CGNL1: variants seen among roughly 807,000 people sequenced by gnomAD.
The protein encoded by CGNL1 is cingulin like 1, also known as cingulin-like protein 1.
In CGNL1, 132 loss-of-function variants were observed where a neutral mutation model predicts 141.2. That is an observed-to-expected ratio of 0.93 (90% confidence interval 0.81 to 1.08). CGNL1 has a LOEUF of 1.08. Among genes scored for constraint, CGNL1 ranks in the 50% least tolerant of loss-of-function variants. The pLI is 0.00. For missense variants in CGNL1, 1,870 were observed against 1,588.6 expected, an observed-to-expected ratio of 1.18 and a Z score of -3.01; for synonymous variants, 690 against 622.1, an observed-to-expected ratio of 1.11 and a Z score of -1.63.
At chr15:57,505,163 A>G (rs2064084337) in intron 8 of CGNL1, among the ~76,000 whole-genome samples, 1 of 152,204 alleles carries the variant, frequency 6.6e-6, no homozygotes, top group Non-Finnish European at 1.5e-5. Flanking sequence ...AGGCCTCTGT[A>G]TAGAAGGAAA....
At chr15:57,496,333 TC>T (rs752189485) in intron 8 of CGNL1, among the ~76,000 whole-genome samples, 2 of 152,092 alleles carry the variant, frequency 1.3e-5, no homozygotes, top group Non-Finnish European at 2.9e-5. Flanking sequence ...ACTCTAGGGG[TC>T]CCCAGCCCTC....
chr15:57,392,353 G>C (rs2062553163), intron 1 of CGNL1, among the ~76,000 whole-genome samples: 1 of 152,076 alleles, frequency 6.6e-6, no homozygotes, highest in South Asian at 2.1e-4. Context: ...TGGGGAAGGG[G>C]AAAAGTCCAG....
chr15:57,494,156 C>T (rs1184453190), intron 8 of CGNL1, among the ~76,000 whole-genome samples: 1 of 152,192 alleles, frequency 6.6e-6, no homozygotes, highest in African/African-American at 2.4e-5. Flanking sequence ...TTTTATATGC[C>T]TGTGTTCTTG....
rs113996787 is a variant in CGNL1 at position 57,405,647 on chromosome 15, C to T, written c.-16+29080C>T. ...TTCATTCATAGGGCTCTTTCTGTGC[C>T]TTCTTATGTCCTCCTCCCTCAGCCC... On this transcript the variant is annotated intron_variant, in intron 1 of 18. Coordinates refer to ENST00000281282, the MANE Select transcript of CGNL1 (RefSeq NM_032866.5). 6.3e-3 allele frequency among the ~76,000 whole-genome samples: 957 copies of T among 152,258 alleles called. 4 individuals are homozygous for T. Among genetic ancestry groups the T allele is most frequent in the African/African-American group, 0.022 (924 of 41,552 alleles).
chr15:57,539,027 T>A (rs934329810), intron 14 of CGNL1, among the ~76,000 whole-genome samples: 5 of 152,096 alleles, frequency 3.3e-5, no homozygotes, highest in Admixed American at 6.5e-5. Context: ...CCTCGGAGAG[T>A]TCCCGCCCAG....
Position 57,392,830 on chromosome 15 carries a change from A to AT in CGNL1, c.-16+16272dup, listed in dbSNP as rs1161585642. ...TCTACTAAGTGTAGAATGAACAGTC[A>AT]TTTTTTTTTAAAGGAAAAATAAAGT... On this transcript the variant is annotated intron_variant, in intron 1 of 18. Transcript: ENST00000281282. 6.6e-5 allele frequency among the ~76,000 whole-genome samples: 10 copies of AT among 151,784 alleles called. No individual in the cohort carries two copies. In the South Asian group the frequency reaches 8.3e-4, roughly 13 times the overall value.
chr15:57,543,729 A>T lies in CGNL1; in HGVS notation c.3325A>T (p.Arg1109Ter). The change falls in exon 15 of 19, where the codon AGA becomes TGA. Residue 1109 changes from arginine (R) to a stop codon, truncating the protein, a stop_gained. Coordinates refer to ENST00000281282, the MANE Select transcript of CGNL1 (RefSeq NM_032866.5). LOFTEE classifies it high-confidence loss of function. ...EQLRNELLQE[R>*]AARQDLECDK... ...GTTGAGGAATGAGCTACTTCAGGAG[A>T]GAGCTGCGAGACAAGACTTGGAGTG... is the stretch of plus-strand genomic sequence containing the variant. 2 of 1,614,004 alleles carry T rather than the reference A, an allele frequency of 1.2e-6. No individual in the cohort carries two copies. The highest frequency in any genetic ancestry group is 1.1e-5 in the South Asian group (1 of 91,060).
intron 7 of CGNL1, among the ~76,000 whole-genome samples, chr15:57,456,901 C>G (rs1430790231): frequency 6.6e-6 from 1 of 152,146 alleles, no homozygotes; most frequent in Non-Finnish European, 1.5e-5. Context: ...TTAAAATAGT[C>G]TGGTTATAAA....
At chr15:57,541,685 T>C (rs2032572157) in intron 14 of CGNL1, among the ~76,000 whole-genome samples, 1 of 152,190 alleles carries the variant, frequency 6.6e-6, no homozygotes, top group South Asian at 2.1e-4. Flanking sequence ...TCTAGGCCTA[T>C]TGGAATCCTT....
At position 57,401,474 on chromosome 15, in the gene CGNL1, G is replaced by T. The variant is rs963571881; in HGVS notation, c.-16+24907G>T. ...AAAAAGTTCCCAAGTGATTCTGCTGGTGCCCGAGTTCTAGCATGCCTAAGA... is the reference window on the plus strand; with the variant it reads ...AAAAAGTTCCCAAGTGATTCTGCTGTTGCCCGAGTTCTAGCATGCCTAAGA... On this transcript the variant is annotated intron_variant, in intron 1 of 18. Coordinates refer to ENST00000281282, the MANE Select transcript of CGNL1 (RefSeq NM_032866.5). 4.6e-5 allele frequency among the ~76,000 whole-genome samples: 7 copies of T among 152,112 alleles called. No individual in the cohort carries two copies. In the East Asian group the frequency reaches 1.3e-3, roughly 29 times the overall value.
intron 4 of CGNL1, among the ~76,000 whole-genome samples, chr15:57,446,619 C>A (rs1259433036): frequency 6.8e-6 from 1 of 146,844 alleles, no homozygotes; most frequent in Non-Finnish European, 1.5e-5. Flanking sequence ...TCTTAGTGGT[C>A]ATTTCTGGTA....
intron 1 of CGNL1, among the ~76,000 whole-genome samples, chr15:57,430,883 G>A (rs1166174404): frequency 6.6e-6 from 1 of 152,150 alleles, no homozygotes; most frequent in Non-Finnish European, 1.5e-5. Flanking sequence ...ACCATGGCCG[G>A]CTCATGTTTT....
At chr15:57,472,612 C>G (rs1297550069) in intron 8 of CGNL1, among the ~76,000 whole-genome samples, 3 of 152,134 alleles carry the variant, frequency 2.0e-5, no homozygotes, top group Non-Finnish European at 2.9e-5. Context: ...TCCACAATTT[C>G]ATTCTATTTT....
intron 7 of CGNL1, among the ~76,000 whole-genome samples, chr15:57,458,594 A>G (rs2063407891): frequency 6.6e-6 from 1 of 152,186 alleles, no homozygotes; most frequent in Non-Finnish European, 1.5e-5. Flanking sequence ...TATCATCCAA[A>G]CAATTGAGAA....
chr15:57,489,498 A>C (rs1476935181), intron 8 of CGNL1, among the ~76,000 whole-genome samples: 1 of 152,250 alleles, frequency 6.6e-6, no homozygotes, highest in Non-Finnish European at 1.5e-5. Context: ...GAAAATAGAC[A>C]TGCAGATTTA....
Position 57,442,403 on chromosome 15 carries a change from G to A in CGNL1, c.1728G>A (p.Arg576=), listed in dbSNP as rs529813330. 6.2e-7 allele frequency: 1 copy of A among 1,613,488 alleles called. No individual in the cohort carries two copies. The highest frequency in any genetic ancestry group is 8.5e-7 in the Non-Finnish European group (1 of 1,179,570). Residue 576 remains arginine (R), a synonymous_variant, in exon 4 of 19, where the codon AGG becomes AGA. Transcript: ENST00000281282. ...GSTDNDDATK[R]KVNLVFEKIQ... is the part of the protein sequence containing the mutation. ...CTGATAATGACGATGCTACTAAAAGGAAAGTCAACTTGGTCTTTGAGAAAA... is the reference window on the plus strand; with the variant it reads ...CTGATAATGACGATGCTACTAAAAGAAAAGTCAACTTGGTCTTTGAGAAAA...
chr15:57,439,563 A>G lies in CGNL1; in HGVS notation c.1564A>G (p.Ile522Val). 1 of 1,613,892 alleles carries G rather than the reference A, an allele frequency of 6.2e-7. No homozygotes were observed. Among genetic ancestry groups the G allele is most frequent in the South Asian group, 1.1e-5 (1 of 91,064 alleles). Reference sequence around the variant, plus strand: ...TTCGCCTGATTCTGGTGCCAAGAAAATTTCCGTGAAGACATTTCCTTCGGC... The same window carrying G: ...TTCGCCTGATTCTGGTGCCAAGAAAGTTTCCGTGAAGACATTTCCTTCGGC... Reference protein sequence around the residue: ...ATSPDSGAKKISVKTFPSASN... With the variant: ...ATSPDSGAKKVSVKTFPSASN... Residue 522 changes from isoleucine to valine, a missense_variant, in exon 2 of 19, where the codon ATT becomes GTT. Transcript: ENST00000281282.
At chr15:57,383,839 A>G (rs2062453750) in intron 1 of CGNL1, among the ~76,000 whole-genome samples, 1 of 150,888 alleles carries the variant, frequency 6.6e-6, no homozygotes, top group South Asian at 2.1e-4. Context: ...GGGTTTTGCC[A>G]TGTTGCCCAG....
intron 8 of CGNL1, among the ~76,000 whole-genome samples, chr15:57,483,784 C>G (rs2063755598): frequency 6.6e-6 from 1 of 151,904 alleles, no homozygotes; most frequent in African/African-American, 2.4e-5. Flanking sequence ...GAGAATGTTC[C>G]TCTCTATTCA....
Sources: allele counts gnomAD v4.1 joint callset (sites outside exome capture counted in the v4.1 genomes callset), GRCh38; gene constraint gnomAD v4.1.1; transcripts MANE v1.5; gene names NCBI Gene and HGNC (gene_info 2026-07-23, HGNC 2026-07-21).